R3HDM1: variants seen among roughly 807,000 people sequenced by gnomAD.
The protein encoded by R3HDM1 is R3H domain-containing protein 1.
A neutral mutation model predicts 141.1 loss-of-function variants in R3HDM1; 46 were observed. The observed-to-expected ratio is 0.33, with a 90% CI of 0.26 to 0.42. The LOEUF (loss-of-function observed/expected upper bound fraction) is 0.42. R3HDM1 is among the 10% of genes least tolerant of loss of function. The probability of loss-of-function intolerance (pLI) is 1.00; values close to 1 mark genes in which losing one functional copy is unlikely to be tolerated. For synonymous variants in R3HDM1, 435 were observed against 472.9 expected (o/e 0.92, Z 1.04); for missense variants, 1,184 against 1,368.3 (o/e 0.87, Z 2.12).
At chr2:135,584,409 G>A (rs925856298) in intron 1 of R3HDM1, 4 of 941,070 alleles carry the variant, frequency 4.3e-6, no homozygotes, top group East Asian at 1.2e-4. Flanking sequence ...TCGGTAGCAT[G>A]TTTAAGCACA....
Position 135,616,140 on chromosome 2 carries a change from T to G in R3HDM1, c.172-12T>G. Reference sequence around the variant, plus strand: ...GTATGAAATTTAATACAAATCTTTCTTGTATATTCAGCGGCCATTGCAGTC... The same window carrying G: ...GTATGAAATTTAATACAAATCTTTCGTGTATATTCAGCGGCCATTGCAGTC... On this transcript the variant is annotated splice_polypyrimidine_tract_variant and intron_variant, in intron 3 of 26. Transcript: ENST00000683871. 1 of 1,610,380 alleles carries G rather than the reference T, an allele frequency of 6.2e-7. No individual in the cohort carries two copies. Among genetic ancestry groups the G allele is most frequent in the Non-Finnish European group, 8.5e-7 (1 of 1,176,654 alleles).
At chr2:135,711,443 C>G (rs2105442017) in intron 23 of R3HDM1, among the ~76,000 whole-genome samples, 1 of 150,194 alleles carries the variant, frequency 6.7e-6, no homozygotes, top group South Asian at 2.1e-4. Flanking sequence ...TAAGGCAGAC[C>G]TGGAACGCAG....
At chr2:135,671,452 C>T (rs1427645434) in intron 19 of R3HDM1, among the ~76,000 whole-genome samples, 6 of 152,020 alleles carry the variant, frequency 3.9e-5, no homozygotes, top group Admixed American at 3.9e-4. Context: ...TCACTGCAAC[C>T]TCTGCCTCCT....
intron 7 of R3HDM1, among the ~76,000 whole-genome samples, chr2:135,626,980 T>C (rs1325868575): frequency 1.3e-5 from 2 of 152,172 alleles, no homozygotes; most frequent in African/African-American, 4.8e-5. Flanking sequence ...TATTGTAGCA[T>C]GTACCTTTTT....
intron 23 of R3HDM1, among the ~76,000 whole-genome samples, chr2:135,711,537 C>T (rs914479820): frequency 6.6e-6 from 1 of 151,792 alleles, no homozygotes; most frequent in Non-Finnish European, 1.5e-5. Flanking sequence ...GCAGTGTGCA[C>T]CTGTAGTCCC....
At chr2:135,709,347 A>G in intron 21 of R3HDM1, 86 bp from the exon 22 acceptor site, 3 of 1,545,998 alleles carry the variant, frequency 1.9e-6, no homozygotes, top group South Asian at 2.4e-5. Context: ...TGCTGGGATT[A>G]CAGGCGTGAG....
intron 1 of R3HDM1, among the ~76,000 whole-genome samples, chr2:135,532,688 G>A (rs913987474): frequency 6.6e-6 from 1 of 152,120 alleles, no homozygotes; most frequent in African/African-American, 2.4e-5. Context: ...CAAACTGAAA[G>A]TCTACCCATT....
At chr2:135,652,772 GA>G (rs2065283216) in intron 18 of R3HDM1, among the ~76,000 whole-genome samples, 1 of 152,104 alleles carries the variant, frequency 6.6e-6, no homozygotes, top group South Asian at 2.1e-4. Context: ...TAAAGCTGTA[GA>G]TTTTTTGCAG....
intron 19 of R3HDM1, among the ~76,000 whole-genome samples, chr2:135,668,579 T>C (rs1187702883): frequency 6.6e-6 from 1 of 152,234 alleles, no homozygotes; most frequent in Non-Finnish European, 1.5e-5. Flanking sequence ...CCTGATGGCT[T>C]TCTACCCAGT....
intron 16 of R3HDM1, among the ~76,000 whole-genome samples, chr2:135,648,097 C>T (rs1457504131): frequency 1.3e-5 from 2 of 152,110 alleles, no homozygotes; most frequent in Non-Finnish European, 2.9e-5. Context: ...GTAGCTTGTT[C>T]TTGAGAGTTC....
rs562025051 is a variant in R3HDM1 at position 135,624,469 on chromosome 2, G to A, written c.497+1737G>A. 9.9e-5 allele frequency among the ~76,000 whole-genome samples: 15 copies of A among 151,716 alleles called. No homozygotes were observed. In the South Asian group the frequency reaches 1.9e-3, roughly 19 times the overall value. On this transcript the variant is annotated intron_variant, in intron 7 of 26. Transcript: ENST00000683871. ...GAAGCATAGGCCATATCCAACTATCGTCAGCAAGGGATAATACCAACACCC... is the reference window on the plus strand; with the variant it reads ...GAAGCATAGGCCATATCCAACTATCATCAGCAAGGGATAATACCAACACCC...
chr2:135,716,072 A>G (rs981558001), intron 24 of R3HDM1, among the ~76,000 whole-genome samples: 3 of 152,224 alleles, frequency 2.0e-5, no homozygotes, highest in Admixed American at 1.3e-4. Context: ...TACGCCTGCA[A>G]TCCCAGCACT....
At chr2:135,626,951 T>A (rs953315202) in intron 7 of R3HDM1, among the ~76,000 whole-genome samples, 2 of 152,192 alleles carry the variant, frequency 1.3e-5, no homozygotes, top group African/African-American at 4.8e-5. Context: ...CTTAGCATAA[T>A]GTTTTTAAGG....
At position 135,724,038 on chromosome 2, in the gene R3HDM1, C is replaced by T. The variant is rs760793686; in HGVS notation, c.3151C>T (p.Arg1051Trp). Residue 1051 changes from arginine to tryptophan, a missense_variant, in exon 27 of 27, where the codon CGG becomes TGG. Physicochemically the swap from Arg to Trp is moderately radical, Grantham distance 101. This residue lies in a region of R3HDM1 where 182 missense variants were observed against 252.6 expected (regional missense o/e 0.72). Coordinates refer to ENST00000683871, the MANE Select transcript of R3HDM1 (RefSeq NM_001378107.1). ...ACTCTTTAAAATTGGCGCCAAGATC[C>T]GGTGGCTCCGGGACCCCCAGTCCCA... The part of the protein sequence containing the change: ...GELFKIGAKI[R>W]WLRDPQSQPR... 4.3e-6 allele frequency: 7 copies of T among 1,613,988 alleles called. No individual in the cohort carries two copies. The highest frequency in any genetic ancestry group is 2.2e-5 in the East Asian group (1 of 44,868).
chr2:135,639,149 A>T, intron 14 of R3HDM1, 27 bp downstream of exon 14: 1 of 1,598,266 alleles, frequency 6.3e-7, no homozygotes. Context: ...AAAACTGTGC[A>T]GTCAAGTCAT....
rs2065199317 is a variant in R3HDM1, at chr2:135,652,002, G to A, written c.1998G>A (p.Gln666=). The change falls in exon 18 of 27, where the codon CAG becomes CAA. Residue 666 remains glutamine (Q), a synonymous_variant. Coordinates refer to ENST00000683871, the MANE Select transcript of R3HDM1 (RefSeq NM_001378107.1). The part of the protein sequence containing the change: ...GHPVSQPVLQ[Q]QGYIQQPSPQ... ...CTGTCAGCCAGCCTGTGCTCCAGCAGCAGGGATATATTCAGCAGCCATCAC... is the reference window on the plus strand; with the variant it reads ...CTGTCAGCCAGCCTGTGCTCCAGCAACAGGGATATATTCAGCAGCCATCAC... 6.2e-7 allele frequency: 1 copy of A among 1,605,926 alleles called. No homozygotes were observed. Among genetic ancestry groups the A allele is most frequent in the African/African-American group, 1.3e-5 (1 of 74,884 alleles).
At chr2:135,720,982 G>A (rs183411364) in intron 24 of R3HDM1, among the ~76,000 whole-genome samples, 4 of 151,994 alleles carry the variant, frequency 2.6e-5, no homozygotes, top group Admixed American at 6.6e-5. Flanking sequence ...TATTTCATAC[G>A]GGATGTTAGG....
At chr2:135,702,863 A>C (rs1382835394) in intron 21 of R3HDM1, among the ~76,000 whole-genome samples, 2 of 152,152 alleles carry the variant, frequency 1.3e-5, no homozygotes, top group Admixed American at 6.5e-5. Flanking sequence ...AACAGACTTA[A>C]GAGGTGGCAA....
chr2:135,680,966 G>A (rs1009445478), intron 21 of R3HDM1, among the ~76,000 whole-genome samples: 10 of 152,152 alleles, frequency 6.6e-5, no homozygotes, highest in Non-Finnish European at 1.5e-5. Flanking sequence ...TATTTCCTGT[G>A]TATAACTTTA....
Sources: gnomAD v4.1 joint callset for allele counts (sites outside exome capture counted in the v4.1 genomes callset) on GRCh38, gnomAD v4.1.1 for gene constraint, gnomAD v4.1.1 regional missense constraint, MANE v1.5 for transcripts, NCBI Gene and HGNC (gene_info 2026-07-23, HGNC 2026-07-21) for gene names.